MAP3K3: variants seen among roughly 807,000 people sequenced by gnomAD.
MAP3K3 encodes the protein MAP/ERK kinase kinase 3.
A neutral mutation model predicts 80.9 loss-of-function variants in MAP3K3; 12 were observed. The observed-to-expected ratio is 0.15, with a 90% CI of 0.10 to 0.24. MAP3K3 has a LOEUF of 0.24. Ranked by LOEUF, MAP3K3 falls within the 10% of genes least tolerant of loss-of-function variation. The pLI, the probability that MAP3K3 is intolerant of heterozygous loss-of-function variation, is 1.00. For synonymous variants in MAP3K3, 272 were observed against 307.1 expected (o/e 0.89, Z 1.19); for missense variants, 596 against 834.7 (o/e 0.71, Z 3.52).
chr17:63,690,178 G>A, intron 11 of MAP3K3, 86 bp from the exon 12 acceptor site: 9 of 1,473,284 alleles, frequency 6.1e-6, no homozygotes, highest in Non-Finnish European at 8.3e-6. Context: ...GGGGGAGCCT[G>A]AGCCAGAGAC....
intron 6 of MAP3K3, among the ~76,000 whole-genome samples, chr17:63,669,573 ATTC>A (rs1332293474): frequency 1.3e-5 from 2 of 151,898 alleles, no homozygotes; most frequent in Admixed American, 6.6e-5. Flanking sequence ...CGCTCAAGCA[ATTC>A]TTCTGCCTCA....
intron 1 of MAP3K3, among the ~76,000 whole-genome samples, chr17:63,629,154 C>T (rs1011455194): frequency 2.0e-5 from 3 of 151,614 alleles, no homozygotes; most frequent in African/African-American, 4.8e-5. Flanking sequence ...GATGGAGTCT[C>T]GCCCTGTCGC....
At position 63,660,178 on chromosome 17, in the gene MAP3K3, G is replaced by A. The variant is rs747489346; in HGVS notation, c.381+2271G>A. Among the ~76,000 whole-genome samples, 6 of 151,938 alleles carry A rather than the reference G, an allele frequency of 3.9e-5. No homozygotes were observed. The South Asian group carries it at 8.3e-4, about 21-fold the overall frequency. On this transcript the variant is annotated intron_variant, in intron 5 of 15. Coordinates refer to ENST00000361733, the MANE Select transcript of MAP3K3 (RefSeq NM_002401.5). ...CTGCATTTGTAGCAGTTGCCTCACC[G>A]CCTTTTGTTACCACCTATTCCTTTA...
At chr17:63,655,596 T>A (rs1427252288) in intron 4 of MAP3K3, among the ~76,000 whole-genome samples, 1 of 151,998 alleles carries the variant, frequency 6.6e-6, no homozygotes, top group Non-Finnish European at 1.5e-5. Flanking sequence ...GTTCAAGTGA[T>A]CCCCCCACCT....
In MAP3K3 at chr17:63,622,522, T is replaced by TGGGCCGAGCC. The variant is rs1202785148; in HGVS notation, c.-237_-228dup. 6.6e-6 allele frequency: 1 copy of TGGGCCGAGCC among 152,128 alleles called. No homozygotes were observed. Among genetic ancestry groups the TGGGCCGAGCC allele is most frequent in the Non-Finnish European group, 1.5e-5 (1 of 68,826 alleles). 9.4% of individuals were successfully genotyped at this position (152,128 alleles called of 1,614,324 possible). ...CCGAGCGGCGCCGCCGAGGCCGGGC[T>TGGGCCGAGCC]GGGCCGAGCCCAGGAGCGCCCGGGA... On this transcript the variant is annotated 5_prime_UTR_variant, in exon 1 of 16. Coordinates refer to ENST00000361733, the MANE Select transcript of MAP3K3 (RefSeq NM_002401.5).
intron 6 of MAP3K3, among the ~76,000 whole-genome samples, chr17:63,669,526 T>G (rs1462043586): frequency 1.3e-5 from 2 of 152,058 alleles, no homozygotes; most frequent in African/African-American, 4.8e-5. Context: ...TGGAATGCAT[T>G]GATGCCATCT....
chr17:63,677,092 C>T (rs996495544), intron 6 of MAP3K3, among the ~76,000 whole-genome samples: 2 of 152,234 alleles, frequency 1.3e-5, no homozygotes, highest in East Asian at 1.9e-4. Context: ...TGGGGTTATG[C>T]GGATATGTAC....
At chr17:63,688,959 T>C (rs1251133144) in intron 10 of MAP3K3, 78 bp downstream of exon 10, 9 of 990,066 alleles carry the variant, frequency 9.1e-6, no homozygotes, top group African/African-American at 1.6e-5. Context: ...GGTTCGTCCA[T>C]GCAGTGCCTG....
intron 2 of MAP3K3, chr17:63,634,834 T>G: frequency 2.6e-6 from 4 of 1,566,304 alleles, no homozygotes; most frequent in Non-Finnish European, 3.5e-6. Context: ...AAAGCCAAAA[T>G]GTACTTTTAA....
chr17:63,674,894 G>A (rs1443277011), intron 6 of MAP3K3, among the ~76,000 whole-genome samples: 1 of 152,030 alleles, frequency 6.6e-6, no homozygotes, highest in Admixed American at 6.6e-5. Flanking sequence ...AAAGGATGAG[G>A]GTAGATTATA....
chr17:63,655,353 A>C (rs2034745952), intron 4 of MAP3K3, among the ~76,000 whole-genome samples: 1 of 152,210 alleles, frequency 6.6e-6, no homozygotes, highest in East Asian at 1.9e-4. Flanking sequence ...ACTACAAATC[A>C]ATATGGGATT....
intron 7 of MAP3K3, chr17:63,682,314 A>G (rs2035355650): frequency 1.3e-5 from 2 of 154,186 alleles, no homozygotes; most frequent in Admixed American, 6.5e-5. Context: ...GGAGTAAACC[A>G]TATCAAAATT....
rs976020060 is a variant in MAP3K3, at chr17:63,689,671, G to A, written c.999G>A (p.Gly333=). 4.5e-5 allele frequency: 73 copies of A among 1,613,966 alleles called. No homozygotes were observed. The highest frequency in any genetic ancestry group is 6.2e-5 in the Non-Finnish European group (73 of 1,179,990). ...CTGTGCAATACCTGGACCCCCGTGG[G>A]CGCCTGCGGAGTGCGGACAGCGAGA... is the stretch of plus-strand genomic sequence containing the variant. ...GLAVQYLDPR[G]RLRSADSENA... Residue 333 remains glycine (G), a synonymous_variant, in exon 11 of 16, where the codon GGG becomes GGA. Coordinates refer to ENST00000361733, the MANE Select transcript of MAP3K3 (RefSeq NM_002401.5). The surrounding 1 kb of genome is among the most constrained non-coding windows in gnomAD (Gnocchi z 4.3).
chr17:63,646,126 G>A (rs1247066589), intron 3 of MAP3K3, 52 bp downstream of exon 3: 2 of 1,522,956 alleles, frequency 1.3e-6, no homozygotes, highest in Admixed American at 3.4e-5. Flanking sequence ...AAAGTTCTCA[G>A]ATAGCATTGA....
intron 6 of MAP3K3, among the ~76,000 whole-genome samples, chr17:63,673,607 A>C (rs761703582): frequency 5.3e-5 from 8 of 152,168 alleles, no homozygotes; most frequent in Non-Finnish European, 1.0e-4. Flanking sequence ...CATGTAACCA[A>C]GCCTCAACTA....
chr17:63,688,516 G>A lies in MAP3K3; in HGVS notation c.711-11G>A. 1.2e-6 allele frequency: 2 copies of A among 1,613,400 alleles called. No homozygotes were observed. The highest frequency in any genetic ancestry group is 2.2e-5 in the South Asian group (2 of 91,076). On this transcript the variant is annotated splice_polypyrimidine_tract_variant and intron_variant, in intron 8 of 15. Coordinates refer to ENST00000361733, the MANE Select transcript of MAP3K3 (RefSeq NM_002401.5). ...GTGCGGGAGTCTGTTTTTTCTTTTT[G>A]TTTTCTCCAGCCCATCCTTCCGGAA...
chr17:63,643,406 C>T (rs2034482986), intron 2 of MAP3K3, among the ~76,000 whole-genome samples: 1 of 151,928 alleles, frequency 6.6e-6, no homozygotes, highest in African/African-American at 2.4e-5. Context: ...ACATGGGAGG[C>T]TGAGGTAGGA....
At chr17:63,639,670 C>T (rs867182297) in intron 2 of MAP3K3, among the ~76,000 whole-genome samples, 13 of 151,892 alleles carry the variant, frequency 8.6e-5, no homozygotes, top group African/African-American at 2.9e-4. Flanking sequence ...CCTTTGATGC[C>T]TCCCCACATT....
At chr17:63,682,644 A>G (rs1011059950) in intron 7 of MAP3K3, 17 of 152,138 alleles carry the variant, frequency 1.1e-4, no homozygotes, top group African/African-American at 3.9e-4. Context: ...TCTGAATGTC[A>G]CCCAAGGGCT....
Sources: allele counts gnomAD v4.1 joint callset (sites outside exome capture counted in the v4.1 genomes callset), GRCh38; gene constraint gnomAD v4.1.1; non-coding constraint Gnocchi (gnomAD v3.1); transcripts MANE v1.5; gene names NCBI Gene and HGNC (gene_info 2026-07-23, HGNC 2026-07-21).